Variants in DNAH5 observed in about 807,000 individuals in gnomAD.
DNAH5 encodes the protein dynein axonemal heavy chain 5, also known as axonemal beta dynein heavy chain 5.
In DNAH5, 372 loss-of-function variants were observed where a neutral mutation model predicts 518.2. The ratio of observed to expected loss-of-function variants is 0.72; its 90% CI spans 0.66 to 0.78. The LOEUF (loss-of-function observed/expected upper bound fraction) is 0.78, where lower values mean the gene tolerates loss of function less well. Among genes scored for constraint, DNAH5 ranks in the 30% least tolerant of loss-of-function variants. The pLI, the probability that DNAH5 is intolerant of heterozygous loss-of-function variation, is 0.00. For missense variants in DNAH5, 5,523 were observed against 5,687.0 expected (o/e 0.97, Z 0.93); for synonymous variants, 2,039 against 2,025.9 (o/e 1.01, Z -0.17).
rs1357464298 is a variant in DNAH5, at chr5:13,720,333, T to G, written c.12279+667A>C. On this transcript the variant is annotated intron_variant, in intron 71 of 78. Transcript: ENST00000265104. ...TAAAACACAGCAACTACAAAAAGAC[T>G]TCAGTTCTTCTCTTTTACCCAGCAT... Among the ~76,000 whole-genome samples, 5 of 152,292 alleles carry G rather than the reference T, an allele frequency of 3.3e-5. No homozygotes were observed. The East Asian group carries it at 9.6e-4, about 29-fold the overall frequency.
intron 9 of DNAH5, among the ~76,000 whole-genome samples, chr5:13,915,156 T>C (rs1776506716): frequency 6.6e-6 from 1 of 152,064 alleles, no homozygotes; most frequent in South Asian, 2.1e-4. Flanking sequence ...TCCTCAGAAA[T>C]GTATTAATTT....
In DNAH5 at chr5:13,708,315, C is replaced by G. The variant is rs866546309; in HGVS notation, c.13146G>C (p.Lys4382Asn). ...VPFEVKERLQ[K>N]MGPFQPMNIF... ...TGTTCATAGGCTGGAATGGCCCCAT[C>G]TTCTGCAGCCTCTCTTTTACCTGCC... The change falls in exon 76 of 79, where the codon AAG (lysine) becomes AAC (asparagine). Residue 4382 changes from lysine (K) to asparagine (N), a missense_variant. Physicochemically the swap from Lys to Asn is moderately conservative, Grantham distance 94. Coordinates refer to ENST00000265104, the MANE Select transcript of DNAH5 (RefSeq NM_001369.3). 6.2e-7 allele frequency: 1 copy of G among 1,614,084 alleles called. No homozygotes were observed. Among genetic ancestry groups the G allele is most frequent in the Non-Finnish European group, 8.5e-7 (1 of 1,179,998 alleles).
chr5:13,925,329 A>T (rs561743592), intron 3 of DNAH5, among the ~76,000 whole-genome samples: 2 of 152,320 alleles, frequency 1.3e-5, no homozygotes, highest in African/African-American at 4.8e-5. Context: ...AACTGATTAG[A>T]CATCTTCTCC....
At chr5:13,954,373 A>G (rs1780624216) in intron 1 of DNAH5, among the ~76,000 whole-genome samples, 2 of 152,222 alleles carry the variant, frequency 1.3e-5, no homozygotes, top group Admixed American at 6.5e-5. Flanking sequence ...CAAGCTCATG[A>G]GTCGACACGT....
In DNAH5 at chr5:13,839,463, G is replaced by A. The variant is rs112389411; in HGVS notation, c.5775C>T (p.Asn1925=). 66 of 1,613,940 alleles carry A rather than the reference G, an allele frequency of 4.1e-5. No individual in the cohort carries two copies. The highest frequency in any genetic ancestry group is 3.1e-4 in the African/African-American group (23 of 75,024). ...GAATCATCATCTTGTCAGAATCTTC[G>A]TTAAAGTAAAATCTGCACTGTTTCA... ...EWLKQCRFYF[N]EDSDKMMIHI... The change falls in exon 35 of 79, where the codon AAC becomes AAT. Residue 1925 remains asparagine (N), a synonymous_variant. Transcript: ENST00000265104.
At chr5:13,801,180 G>C (rs928481161) in intron 47 of DNAH5, among the ~76,000 whole-genome samples, 2 of 152,108 alleles carry the variant, frequency 1.3e-5, no homozygotes, top group African/African-American at 4.8e-5. Context: ...CTGGATCATG[G>C]AGGTGGTTTC....
chr5:13,808,438 A>G (rs1760021938), intron 46 of DNAH5, among the ~76,000 whole-genome samples: 1 of 152,176 alleles, frequency 6.6e-6, no homozygotes, highest in Non-Finnish European at 1.5e-5. Flanking sequence ...GTATTTGGTT[A>G]CAGCAGCCCT....
chr5:13,972,780 C>G (rs1781968345), intron 1 of DNAH5, among the ~76,000 whole-genome samples: 1 of 152,132 alleles, frequency 6.6e-6, no homozygotes, highest in Non-Finnish European at 1.5e-5. Context: ...GTTCTTGGAG[C>G]AAAAGTTCAT....
At chr5:13,748,513 A>AT (rs1380345565) in intron 65 of DNAH5, among the ~76,000 whole-genome samples, 1 of 152,200 alleles carries the variant, frequency 6.6e-6, no homozygotes, top group Non-Finnish European at 1.5e-5. Context: ...ATCCATGAGC[A>AT]TGGAATGTTC....
chr5:13,847,093 T>A (rs1038726628), intron 31 of DNAH5, among the ~76,000 whole-genome samples: 3 of 152,138 alleles, frequency 2.0e-5, no homozygotes, highest in Non-Finnish European at 4.4e-5. Context: ...TGAGACGGTA[T>A]AGAGAAGATA....
chr5:13,716,368 A>G (rs1744280141), intron 74 of DNAH5, 119 bp downstream of exon 74: 6 of 740,696 alleles, frequency 8.1e-6, no homozygotes, highest in South Asian at 1.5e-5. Flanking sequence ...CAGCAAAAGC[A>G]TTAGTATATA....
chr5:13,871,518 C>G, intron 23 of DNAH5, 46 bp downstream of exon 23: 1 of 1,507,724 alleles, frequency 6.6e-7, no homozygotes, highest in South Asian at 1.1e-5. Context: ...AGAGGCAGAA[C>G]AATAATGGCT....
At chr5:13,855,770 A>G (rs1349800707) in intron 30 of DNAH5, among the ~76,000 whole-genome samples, 1 of 152,196 alleles carries the variant, frequency 6.6e-6, no homozygotes, top group East Asian at 1.9e-4. Context: ...AGCAAATGCA[A>G]AAGAATGCAA....
intron 19 of DNAH5, 91 bp from the exon 20 acceptor site, chr5:13,883,185 A>G: frequency 2.4e-6 from 3 of 1,275,978 alleles, no homozygotes; most frequent in Non-Finnish European, 2.2e-6. Flanking sequence ...AACAATACAT[A>G]ATAGGTATAA....
Position 13,701,363 on chromosome 5 carries a change from C to T in DNAH5, c.13412G>A (p.Trp4471Ter). Residue 4471 changes from tryptophan to a stop codon, truncating the protein, a stop_gained, in exon 77 of 79, where the codon TGG (tryptophan) becomes TAG (stop). Transcript: ENST00000265104. LOFTEE classifies it high-confidence loss of function. ...LIERNSQFTSWVFNGRPHCFW... is the reference protein window; with the variant it reads ...LIERNSQFTS ...GCAGTGAGGTCGGCCATTGAAAACCCACGAGGTAAACTGGCTGTTTCTTTC... is the reference window on the plus strand; with the variant it reads ...GCAGTGAGGTCGGCCATTGAAAACCTACGAGGTAAACTGGCTGTTTCTTTC... 6.2e-7 allele frequency: 1 copy of T among 1,613,986 alleles called. No homozygotes were observed.
intron 21 of DNAH5, among the ~76,000 whole-genome samples, chr5:13,880,025 CTAAAGA>C (rs1283423163): frequency 2.0e-5 from 3 of 151,966 alleles, no homozygotes; most frequent in Admixed American, 6.6e-5. Flanking sequence ...TTGTCAATAG[CTAAAGA>C]TAAAGAGTGT....
chr5:13,999,898 T>C (rs1220656363), intron 1 of DNAH5, among the ~76,000 whole-genome samples: 1 of 152,206 alleles, frequency 6.6e-6, no homozygotes, highest in Non-Finnish European at 1.5e-5. Context: ...TCTTGACAGG[T>C]GTGCGGTAAC....
rs572989128 is a variant in DNAH5 at position 13,701,314 on chromosome 5, G to C, written c.13461C>G (p.Asn4487Lys). 6.2e-7 allele frequency: 1 copy of C among 1,613,904 alleles called. No homozygotes were observed. Among genetic ancestry groups the C allele is most frequent in the Admixed American group, 1.7e-5 (1 of 59,996 alleles). The change falls in exon 77 of 79, where the codon AAC becomes AAG. Residue 4487 changes from asparagine to lysine, a missense_variant. Transcript: ENST00000265104. ...GCATTGCAGTTAAAAATCCCTGGGG[G>C]TTAAAAAAACCCGTCATCCAAAAGC... ...PHCFWMTGFFNPQGFLTAMRQ... is the reference protein window; with the variant it reads ...PHCFWMTGFFKPQGFLTAMRQ...
At chr5:13,898,743 G>A (rs1404953572) in intron 15 of DNAH5, 3 of 396,838 alleles carry the variant, frequency 7.6e-6, no homozygotes, top group Non-Finnish European at 1.3e-5. Context: ...CAGTGCAAGT[G>A]CATGGACTTA....
Sources: allele counts gnomAD v4.1 joint callset (sites outside exome capture counted in the v4.1 genomes callset), GRCh38; gene constraint gnomAD v4.1.1; transcripts MANE v1.5; gene names NCBI Gene and HGNC (gene_info 2026-07-23, HGNC 2026-07-21).